Variants in SNX24 observed in about 807,000 individuals in gnomAD.
The protein encoded by SNX24 is sorting nexin-24.
SNX24 carries 22 observed loss-of-function variants against 28.7 expected under a neutral mutation model. The ratio of observed to expected loss-of-function variants is 0.77; its 90% CI spans 0.55 to 1.10. The LOEUF is 1.10. SNX24 is among the 50% of genes least tolerant of loss of function. The pLI is 0.00. For synonymous variants in SNX24, 69 were observed against 71.5 expected, an observed-to-expected ratio of 0.96 and a Z score of 0.18; for missense variants, 221 against 201.1, an observed-to-expected ratio of 1.10 and a Z score of -0.60.
chr5:122,995,412 T>C lies in SNX24; in HGVS notation c.250-4500T>C, dbSNP rs1762019268. ...TTATGGAAACTATTTTGAAATCTTT[T>C]AGTTATTTTCATTGCTTGCCTCTAG... On this transcript the variant is annotated intron_variant, in intron 3 of 6. Coordinates refer to ENST00000261369, the MANE Select transcript of SNX24 (RefSeq NM_014035.4). 2.0e-5 allele frequency among the ~76,000 whole-genome samples: 3 copies of C among 152,198 alleles called. 1 individual carries two copies. The South Asian group carries it at 6.2e-4, about 31-fold the overall frequency.
rs145430522 is a variant in SNX24, at chr5:122,989,131, A to G, written c.250-10781A>G. 2.4e-3 allele frequency among the ~76,000 whole-genome samples: 367 copies of G among 152,280 alleles called. 1 individual carries two copies. Among genetic ancestry groups the G allele is most frequent in the African/African-American group, 8.6e-3 (356 of 41,528 alleles). On this transcript the variant is annotated intron_variant, in intron 3 of 6. Transcript: ENST00000261369. ...ACAGGACTTTACAATCTGCAGAAGC[A>G]TGAGGGCTCTATCAGTATGGGTTTA... is the stretch of plus-strand genomic sequence containing the variant.
chr5:122,994,894 A>T (rs972572618), intron 3 of SNX24, among the ~76,000 whole-genome samples: 2 of 152,198 alleles, frequency 1.3e-5, no homozygotes, highest in African/African-American at 4.8e-5. Flanking sequence ...TCTATTGCCC[A>T]GTTTTACTGT....
At chr5:122,845,776 G>A in intron 1 of SNX24, 83 bp downstream of exon 1, 3 of 819,706 alleles carry the variant, frequency 3.7e-6, no homozygotes, top group Non-Finnish European at 5.1e-6. Flanking sequence ...GGCCGCCGCC[G>A]CCTTGGCGCA....
chr5:122,970,338 C>T (rs928670576), intron 3 of SNX24, among the ~76,000 whole-genome samples: 1 of 151,878 alleles, frequency 6.6e-6, no homozygotes, highest in Non-Finnish European at 1.5e-5. Flanking sequence ...GTTTAGAATG[C>T]GGCATACTCT....
chr5:122,883,976 G>A (rs1363044546), intron 1 of SNX24, among the ~76,000 whole-genome samples: 1 of 152,136 alleles, frequency 6.6e-6, no homozygotes, highest in Non-Finnish European at 1.5e-5. Flanking sequence ...TGTTAAATTA[G>A]AACTTTGCTT....
At chr5:122,848,663 C>T (rs1048317872) in intron 1 of SNX24, among the ~76,000 whole-genome samples, 1 of 152,020 alleles carries the variant, frequency 6.6e-6, no homozygotes, top group African/African-American at 2.4e-5. Context: ...GAGCCGAGAT[C>T]GCGCCACTGC....
chr5:122,904,743 C>T (rs1237664190), intron 1 of SNX24, among the ~76,000 whole-genome samples: 1 of 152,086 alleles, frequency 6.6e-6, no homozygotes, highest in East Asian at 1.9e-4. Context: ...ACCGAAGGAA[C>T]ATGTCAACTA....
At position 122,962,959 on chromosome 5, in the gene SNX24, C is replaced by T. The variant is rs541468113; in HGVS notation, c.249+16800C>T. Among the ~76,000 whole-genome samples the T allele has an allele frequency of 9.9e-5, 15 of 152,282 alleles. 1 individual carries two copies. In the East Asian group the frequency reaches 2.7e-3, roughly 27 times the overall value. Reference sequence around the variant, plus strand: ...GGGTTAAATTTTCCTCTAGGCTGGGCATGGTGGCTCATGCCTGTAATCCCA... The same window carrying T: ...GGGTTAAATTTTCCTCTAGGCTGGGTATGGTGGCTCATGCCTGTAATCCCA... On this transcript the variant is annotated intron_variant, in intron 3 of 6. Transcript: ENST00000261369.
chr5:122,888,065 A>T (rs945167204), intron 1 of SNX24, among the ~76,000 whole-genome samples: 1 of 152,208 alleles, frequency 6.6e-6, no homozygotes. Context: ...TATATGTTTC[A>T]TTTGACTTGC....
At chr5:122,942,229 A>G (rs999197541) in intron 2 of SNX24, among the ~76,000 whole-genome samples, 12 of 152,188 alleles carry the variant, frequency 7.9e-5, no homozygotes, top group Non-Finnish European at 1.6e-4. Flanking sequence ...GTGCTGGTTC[A>G]TTTTTAAATT....
At chr5:122,985,232 C>G (rs996046134) in intron 3 of SNX24, among the ~76,000 whole-genome samples, 3 of 152,086 alleles carry the variant, frequency 2.0e-5, no homozygotes, top group African/African-American at 7.2e-5. Flanking sequence ...CACAGCATGA[C>G]CTTTCACCAG....
chr5:122,998,751 C>G (rs1354139739), intron 3 of SNX24, among the ~76,000 whole-genome samples: 1 of 152,204 alleles, frequency 6.6e-6, no homozygotes, highest in Non-Finnish European at 1.5e-5. Flanking sequence ...TGGGGCCACT[C>G]AGTATGTGAA....
At chr5:122,968,345 T>C (rs1212993808) in intron 3 of SNX24, among the ~76,000 whole-genome samples, 1 of 152,210 alleles carries the variant, frequency 6.6e-6, no homozygotes, top group Non-Finnish European at 1.5e-5. Context: ...AGACTCCATC[T>C]CAAAACACAA....
intron 6 of SNX24, among the ~76,000 whole-genome samples, chr5:123,003,871 G>A (rs1762330525): frequency 6.6e-6 from 1 of 152,218 alleles, no homozygotes; most frequent in Non-Finnish European, 1.5e-5. Context: ...TGATGGATGG[G>A]ATGGGAGGTA....
chr5:122,890,073 A>G (rs897707014), intron 1 of SNX24, among the ~76,000 whole-genome samples: 3 of 152,148 alleles, frequency 2.0e-5, no homozygotes, highest in African/African-American at 7.2e-5. Context: ...GAGACAGGCC[A>G]TAGACTGTCC....
At chr5:122,906,750 C>T (rs370138601) in intron 1 of SNX24, among the ~76,000 whole-genome samples, 7 of 152,166 alleles carry the variant, frequency 4.6e-5, no homozygotes, top group Admixed American at 1.3e-4. Flanking sequence ...TCAGGTGATC[C>T]GCCCGCCTCG....
At chr5:122,908,206 C>T (rs964957309) in intron 1 of SNX24, among the ~76,000 whole-genome samples, 1 of 152,232 alleles carries the variant, frequency 6.6e-6, no homozygotes, top group African/African-American at 2.4e-5. Flanking sequence ...TTCTGTGATA[C>T]AACCTCATCT....
Position 123,003,999 on chromosome 5 carries a change from CATTTA to C in SNX24, c.442+2002_442+2006del, listed in dbSNP as rs538655497. Among the ~76,000 whole-genome samples, 586 of 152,214 alleles carry C rather than the reference CATTTA, an allele frequency of 3.8e-3. 3 individuals carry two copies. The highest frequency in any genetic ancestry group is 0.013 in the African/African-American group (545 of 41,516). ...ATGATATATTCTTGCAAATCTTTAG[CATTTA>C]ATTTAAAGAGAAACTTTACTTGCAT... is the stretch of plus-strand genomic sequence containing the variant. On this transcript the variant is annotated intron_variant, in intron 6 of 6. Coordinates refer to ENST00000261369, the MANE Select transcript of SNX24 (RefSeq NM_014035.4).
intron 1 of SNX24, among the ~76,000 whole-genome samples, chr5:122,899,379 G>A (rs1221281977): frequency 2.0e-5 from 3 of 152,110 alleles, no homozygotes; most frequent in African/African-American, 7.2e-5. Context: ...TCAACATACA[G>A]TCTATCAGTA....
Sources: allele counts gnomAD v4.1 joint callset (sites outside exome capture counted in the v4.1 genomes callset), GRCh38; gene constraint gnomAD v4.1.1; transcripts MANE v1.5; gene names NCBI Gene and HGNC (gene_info 2026-07-23, HGNC 2026-07-21).